WDR86: variants seen among roughly 807,000 people sequenced by gnomAD.
The protein encoded by WDR86 is WD repeat-containing protein 86.
WDR86 carries 30 observed loss-of-function variants against 36.5 expected under a neutral mutation model. That is an observed-to-expected ratio of 0.82 (90% CI 0.61 to 1.11). The LOEUF (loss-of-function observed/expected upper bound fraction) is 1.11, where lower values mean the gene tolerates loss of function less well. WDR86 is among the 50% of genes most tolerant of loss of function. The probability of loss-of-function intolerance (pLI) is 0.00; values close to 1 mark genes in which losing one functional copy is unlikely to be tolerated. For missense variants in WDR86, 545 were observed against 561.2 expected, an observed-to-expected ratio of 0.97 and a Z score of 0.29; for synonymous variants, 255 against 252.9, an observed-to-expected ratio of 1.01 and a Z score of -0.08.
downstream of WDR86, among the ~76,000 whole-genome samples, chr7:151,378,850 T>G (rs1478927662): frequency 6.6e-6 from 1 of 152,232 alleles, no homozygotes; most frequent in Non-Finnish European, 1.5e-5. Context: ...TTAGCCATCA[T>G]AGAAGCAATG....
rs1799428701 is a variant in WDR86, at chr7:151,391,365, C to G, written c.726+4411G>C. On this transcript the variant is annotated intron_variant, in intron 3 of 5. Coordinates refer to ENST00000334493, the MANE Select transcript of WDR86 (RefSeq NM_198285.3). ...ACAGTGTGAGAAATGTCCCATAGCCCTAATCAAACCTGGCTTGTAAGGCAG... is the reference window on the plus strand; with the variant it reads ...ACAGTGTGAGAAATGTCCCATAGCCGTAATCAAACCTGGCTTGTAAGGCAG... Among the ~76,000 whole-genome samples the G allele has an allele frequency of 2.0e-5, 3 of 152,228 alleles. No individual in the cohort carries two copies. In the South Asian group the frequency reaches 6.2e-4, roughly 31 times the overall value.
chr7:151,398,123 T>C (rs1800002307), intron 2 of WDR86, among the ~76,000 whole-genome samples: 1 of 152,214 alleles, frequency 6.6e-6, no homozygotes, highest in South Asian at 2.1e-4. Flanking sequence ...TGAACATGTG[T>C]GCATATGTGT....
chr7:151,397,661 A>ATAGCGGGAGGAAGGGTG (rs1799934110), intron 2 of WDR86, among the ~76,000 whole-genome samples: 1 of 48,836 alleles, frequency 2.0e-5, no homozygotes. Flanking sequence ...GAGGAAGGGC[A>ATAGCGGGAGGAAGGGTG]TAGCGGGAGG....
chr7:151,395,061 G>A (rs530205391), intron 3 of WDR86, among the ~76,000 whole-genome samples: 4 of 152,318 alleles, frequency 2.6e-5, no homozygotes, highest in African/African-American at 7.2e-5. Context: ...GGGAGGCAAC[G>A]GAGACGGGGC....
At chr7:151,394,918 C>A (rs975624648) in intron 3 of WDR86, among the ~76,000 whole-genome samples, 1 of 152,222 alleles carries the variant, frequency 6.6e-6, no homozygotes, top group Non-Finnish European at 1.5e-5. Flanking sequence ...TGCCACCAGG[C>A]GTTTTCGTGC....
downstream of WDR86, among the ~76,000 whole-genome samples, chr7:151,373,833 C>T (rs945200183): frequency 2.0e-5 from 3 of 152,174 alleles, no homozygotes; most frequent in Non-Finnish European, 4.4e-5. Context: ...TGGTGGATGG[C>T]GGGGCTGGCG....
chr7:151,409,235 C>G lies in WDR86; in HGVS notation c.163+192G>C. 3.0e-6 allele frequency: 3 copies of G among 995,666 alleles called. No individual in the cohort carries two copies. Among genetic ancestry groups the G allele is most frequent in the Non-Finnish European group, 4.5e-6 (3 of 670,136 alleles). The allele number at this position is 995,666 out of a possible 1,614,324, so 61.7% of individuals were successfully genotyped here. On this transcript the variant is annotated intron_variant, in intron 1 of 5. Coordinates refer to ENST00000334493, the MANE Select transcript of WDR86 (RefSeq NM_198285.3). This position sits in a 1 kb window ranked among gnomAD's most constrained non-coding sequence, Gnocchi z 5.2. Reference sequence around the variant, plus strand: ...CTGCTCTGCACCCGCACCCCACCCCCAGACCTCACCCTGCCCTGCCGTGCG... The same window carrying G: ...CTGCTCTGCACCCGCACCCCACCCCGAGACCTCACCCTGCCCTGCCGTGCG...
rs2150891215 is a variant in WDR86, at chr7:151,409,370, C to G, written c.163+57G>C. 6.5e-7 allele frequency: 1 copy of G among 1,542,402 alleles called. No individual in the cohort carries two copies. The highest frequency in any genetic ancestry group is 8.8e-7 in the Non-Finnish European group (1 of 1,142,304). Reference sequence around the variant, plus strand: ...CTGCGGGCGCAGGAGCTGGGGTCCGCGGTCTGGGGCCGGTGAGCTGCGGCG... The same window carrying G: ...CTGCGGGCGCAGGAGCTGGGGTCCGGGGTCTGGGGCCGGTGAGCTGCGGCG... On this transcript the variant is annotated intron_variant, in intron 1 of 5. Coordinates refer to ENST00000334493, the MANE Select transcript of WDR86 (RefSeq NM_198285.3). This position sits in a 1 kb window ranked among gnomAD's most constrained non-coding sequence, Gnocchi z 5.2.
intron 3 of WDR86, 33 bp downstream of exon 3, chr7:151,395,743 C>A: frequency 6.6e-7 from 1 of 1,521,132 alleles, no homozygotes; most frequent in Non-Finnish European, 8.8e-7. Context: ...CTGGGCTCCC[C>A]TGGCTGCTGG....
downstream of WDR86, chr7:151,376,822 G>C: frequency 6.4e-7 from 1 of 1,568,432 alleles, no homozygotes; most frequent in Non-Finnish European, 8.6e-7. Flanking sequence ...GTAGGTCTGA[G>C]GTCTTTGAGG....
downstream of WDR86, chr7:151,376,566 G>A (rs903946555): frequency 3.5e-5 from 50 of 1,447,090 alleles, no homozygotes; most frequent in Non-Finnish European, 4.5e-5. Context: ...CTGTCCACTC[G>A]TATGGCTGAC....
At chr7:151,382,979 C>T (rs1429015155) in intron 4 of WDR86, among the ~76,000 whole-genome samples, 1 of 141,220 alleles carries the variant, frequency 7.1e-6, no homozygotes, top group African/African-American at 2.6e-5. Context: ...GTTCCCCAGC[C>T]TTTTTTTTTT....
At chr7:151,397,737 CGGG>C (rs1799951063) in intron 2 of WDR86, among the ~76,000 whole-genome samples, 3 of 94,146 alleles carry the variant, frequency 3.2e-5, no homozygotes, top group Non-Finnish European at 4.7e-5. Flanking sequence ...GAGGGTGTAG[CGGG>C]AGGAAGAGGG....
rs1437729104 is a variant in WDR86, at chr7:151,386,354, G to A, written c.727-1131C>T. 2.0e-5 allele frequency among the ~76,000 whole-genome samples: 3 copies of A among 152,214 alleles called. No homozygotes were observed. In the East Asian group the frequency reaches 5.8e-4, roughly 29 times the overall value. ...GGTCAAAGGAGTTAACTGGCCTTGGGCCAATCACTGTGCCCAGAGAAGGCA... is the reference window on the plus strand; with the variant it reads ...GGTCAAAGGAGTTAACTGGCCTTGGACCAATCACTGTGCCCAGAGAAGGCA... On this transcript the variant is annotated intron_variant, in intron 3 of 5. Transcript: ENST00000334493.
chr7:151,373,168 C>T (rs1798038714), downstream of WDR86, among the ~76,000 whole-genome samples: 1 of 152,160 alleles, frequency 6.6e-6, no homozygotes, highest in South Asian at 2.1e-4. Flanking sequence ...CTGTTTTCTC[C>T]CCCGTCCTCG....
intron 1 of WDR86, among the ~76,000 whole-genome samples, chr7:151,400,915 A>AT (rs1395885091): frequency 6.6e-6 from 1 of 152,166 alleles, no homozygotes; most frequent in Non-Finnish European, 1.5e-5. Flanking sequence ...GTGCACTTTG[A>AT]TTTTTACCGG....
chr7:151,394,096 G>A (rs983254065), intron 3 of WDR86, among the ~76,000 whole-genome samples: 3 of 152,156 alleles, frequency 2.0e-5, no homozygotes, highest in African/African-American at 7.2e-5. Flanking sequence ...CCTGTGAGAT[G>A]GGCCCGGACT....
intron 1 of WDR86, among the ~76,000 whole-genome samples, chr7:151,408,201 T>C (rs1373115324): frequency 7.6e-5 from 11 of 144,792 alleles, no homozygotes; most frequent in East Asian, 5.9e-4. Context: ...TTTCTTTTCT[T>C]TTTTTTTTTT....
Position 151,400,125 on chromosome 7 carries a change from G to C in WDR86, c.280C>G (p.Arg94Gly), listed in dbSNP as rs573246750. 1 of 1,607,918 alleles carries C rather than the reference G, an allele frequency of 6.2e-7. No individual in the cohort carries two copies. Among genetic ancestry groups the C allele is most frequent in the Non-Finnish European group, 8.5e-7 (1 of 1,177,094 alleles). The change falls in exon 2 of 6, where the codon CGA becomes GGA. Residue 94 changes from arginine (R) to glycine (G), a missense_variant. Coordinates refer to ENST00000334493, the MANE Select transcript of WDR86 (RefSeq NM_198285.3). ...VLTGQCLQVY[R>G]GHTSIVNRIL... ...CTGTTCACGATGGACGTGTGTCCTC[G>C]GTACACCTGCAGACACTGCCCGGTC... is the stretch of plus-strand genomic sequence containing the variant.
Sources: allele counts gnomAD v4.1 joint callset (sites outside exome capture counted in the v4.1 genomes callset), GRCh38; gene constraint gnomAD v4.1.1; non-coding constraint Gnocchi (gnomAD v3.1); transcripts MANE v1.5; gene names NCBI Gene and HGNC (gene_info 2026-07-23, HGNC 2026-07-21).